The following RBMS3 variants were observed in gnomAD, a reference collection of about 807,000 sequenced individuals.
RBMS3 encodes the protein RNA binding motif single stranded interacting protein 3, also known as RNA-binding motif, single-stranded-interacting protein 3.
Under a neutral mutation model 66.8 loss-of-function variants are expected in RBMS3, and 27 were observed. The observed-to-expected ratio is 0.40, with a 90% confidence interval of 0.30 to 0.56. RBMS3 has a LOEUF of 0.56. Among genes scored for constraint, RBMS3 ranks in the 20% least tolerant of loss-of-function variants. RBMS3 has a pLI of 0.40. For synonymous variants in RBMS3, 188 were observed against 183.0 expected (o/e 1.03, Z -0.22); for missense variants, 513 against 549.5 (o/e 0.93, Z 0.66).
Position 29,846,151 on chromosome 3 carries a change from T to A in RBMS3, c.638-22707T>A, listed in dbSNP as rs149235171. The stretch of plus-strand genomic sequence containing the variant: ...AAGGGATGTGATCTGATTTTTGCTT[T>A]GAAAGATCATTCTGACTATGTATGG... On this transcript the variant is annotated intron_variant, in intron 6 of 14. Coordinates refer to ENST00000383767, the MANE Select transcript of RBMS3 (RefSeq NM_001003793.3). Among the ~76,000 whole-genome samples the A allele has an allele frequency of 2.3e-3, 350 of 152,210 alleles. 1 individual carries two copies. Among genetic ancestry groups the A allele is most frequent in the Non-Finnish European group, 3.8e-3 (261 of 67,992 alleles).
intron 4 of RBMS3, among the ~76,000 whole-genome samples, chr3:29,654,521 CGTGT>C (rs56163408): frequency 0.23 from 27,611 of 118,460 alleles, 3,018 homozygotes; most frequent in East Asian, 0.35. Flanking sequence ...GAATTGGATT[CGTGT>C]GTGTGTGTGT....
intron 1 of RBMS3, among the ~76,000 whole-genome samples, chr3:29,341,450 C>G (rs1559501433): frequency 6.6e-6 from 1 of 152,080 alleles, no homozygotes; most frequent in Non-Finnish European, 1.5e-5. Context: ...TCTGCCATCT[C>G]AAGCATAATA....
At chr3:29,359,258 G>C (rs1237175013) in intron 1 of RBMS3, among the ~76,000 whole-genome samples, 2 of 152,088 alleles carry the variant, frequency 1.3e-5, no homozygotes, top group African/African-American at 4.8e-5. Context: ...TAGCATGAAG[G>C]GCTGTTGAAT....
intron 3 of RBMS3, among the ~76,000 whole-genome samples, chr3:29,578,032 T>C (rs2047185220): frequency 6.6e-6 from 1 of 152,248 alleles, no homozygotes; most frequent in Non-Finnish European, 1.5e-5. Flanking sequence ...GGAAAAGGAA[T>C]GTGTGTACAA....
chr3:29,977,550 C>T (rs777252413), intron 12 of RBMS3, among the ~76,000 whole-genome samples: 3 of 151,980 alleles, frequency 2.0e-5, no homozygotes, highest in Admixed American at 6.6e-5. Flanking sequence ...CACACAACAC[C>T]GTGGTGATGC....
chr3:29,388,464 A>G (rs193085122), intron 1 of RBMS3, among the ~76,000 whole-genome samples: 2 of 152,294 alleles, frequency 1.3e-5, no homozygotes, highest in Admixed American at 6.5e-5. Flanking sequence ...ATAAAACCCA[A>G]GTTTGGTTTC....
At chr3:29,937,712 A>G (rs1356972801) in intron 11 of RBMS3, among the ~76,000 whole-genome samples, 1 of 151,976 alleles carries the variant, frequency 6.6e-6, no homozygotes, top group African/African-American at 2.4e-5. Flanking sequence ...TCTAAGATAT[A>G]TTTAACTATA....
At chr3:29,373,991 G>T (rs1021287512) in intron 1 of RBMS3, among the ~76,000 whole-genome samples, 1 of 152,172 alleles carries the variant, frequency 6.6e-6, no homozygotes, top group African/African-American at 2.4e-5. Context: ...TAGACACAAG[G>T]CACTGGGGCA....
At chr3:29,290,740 C>G (rs1468346635) in intron 1 of RBMS3, 1 of 151,740 alleles carries the variant, frequency 6.6e-6, no homozygotes, top group Non-Finnish European at 1.5e-5. Flanking sequence ...TCGTGTTTAA[C>G]TTTGTTGTTG....
At chr3:29,360,916 C>T (rs1328258164) in intron 1 of RBMS3, among the ~76,000 whole-genome samples, 1 of 151,880 alleles carries the variant, frequency 6.6e-6, no homozygotes, top group Non-Finnish European at 1.5e-5. Context: ...CTTCCCCCAT[C>T]CCTTTATTTT....
At chr3:29,530,940 T>C (rs963070083) in intron 3 of RBMS3, among the ~76,000 whole-genome samples, 88 of 152,054 alleles carry the variant, frequency 5.8e-4, no homozygotes, top group African/African-American at 2.0e-3. Flanking sequence ...CATAAACATG[T>C]AGTTAAAATG....
At position 29,430,754 on chromosome 3, in the gene RBMS3, C is replaced by G. The variant is rs983963727; in HGVS notation, c.76-3989C>G. Among the ~76,000 whole-genome samples the G allele has an allele frequency of 4.1e-5, 4 of 97,830 alleles. No homozygotes were observed. The Admixed American group carries it at 5.0e-4, about 12-fold the overall frequency. 64.2% of individuals were successfully genotyped at this position (97,830 alleles called of 152,430 possible). ...GATACATAAAGCTGGAGACATTTTT[C>G]TGGCTCCCTGGTGGTTTTAAAGGCT... is the stretch of plus-strand genomic sequence containing the variant. On this transcript the variant is annotated intron_variant, in intron 1 of 14. Transcript: ENST00000383767.
intron 1 of RBMS3, among the ~76,000 whole-genome samples, chr3:29,368,098 G>C (rs9861161): frequency 0.66 from 99,865 of 151,998 alleles, 33,134 homozygotes; most frequent in Non-Finnish European, 0.7. Context: ...TGTAAAATGT[G>C]TCTTTGTATA....
intron 2 of RBMS3, among the ~76,000 whole-genome samples, chr3:29,455,147 G>A (rs1054192102): frequency 6.6e-5 from 10 of 151,934 alleles, no homozygotes; most frequent in Admixed American, 4.6e-4. Flanking sequence ...AGGATCGTTC[G>A]CCACAACATA....
intron 4 of RBMS3, among the ~76,000 whole-genome samples, chr3:29,598,740 A>G (rs750574142): frequency 6.6e-6 from 1 of 152,016 alleles, no homozygotes; most frequent in Non-Finnish European, 1.5e-5. Flanking sequence ...AAGAGCCATC[A>G]GATCAGAGTC....
intron 4 of RBMS3, among the ~76,000 whole-genome samples, chr3:29,692,330 TATATAACC>T (rs917315731): frequency 2.0e-4 from 30 of 152,258 alleles, no homozygotes; most frequent in African/African-American, 7.2e-4. Flanking sequence ...TGATCTTGCA[TATATAACC>T]ATTTAACCAA....
chr3:29,903,825 T>C (rs1490139566), intron 10 of RBMS3, among the ~76,000 whole-genome samples: 1 of 151,998 alleles, frequency 6.6e-6, no homozygotes, highest in Non-Finnish European at 1.5e-5. Context: ...AATCAATACA[T>C]GATTTGTTGC....
intron 12 of RBMS3, among the ~76,000 whole-genome samples, chr3:29,980,100 T>C (rs930716027): frequency 3.9e-5 from 6 of 152,216 alleles, no homozygotes; most frequent in African/African-American, 1.2e-4. Context: ...GCATCTGTTG[T>C]TTCATGAGTT....
intron 8 of RBMS3, among the ~76,000 whole-genome samples, chr3:29,888,744 T>A (rs978634826): frequency 6.6e-6 from 1 of 151,708 alleles, no homozygotes; most frequent in Non-Finnish European, 1.5e-5. Flanking sequence ...TGTTTTCCTC[T>A]GTTTTAAATT....
Sources: gnomAD v4.1 joint callset for allele counts (sites outside exome capture counted in the v4.1 genomes callset) on GRCh38, gnomAD v4.1.1 for gene constraint, MANE v1.5 for transcripts, NCBI Gene and HGNC (gene_info 2026-07-23, HGNC 2026-07-21) for gene names.